GID4: variants seen among roughly 807,000 people sequenced by gnomAD.
GID4 encodes GID complex subunit 4 homolog.
A neutral mutation model predicts 32.4 loss-of-function variants in GID4; 7 were observed. That is an observed-to-expected ratio of 0.22 (90% CI 0.12 to 0.41). The LOEUF is 0.41. Among genes scored for constraint, GID4 ranks in the 10% least tolerant of loss-of-function variants. GID4 has a pLI of 1.00. For synonymous variants in GID4, 166 were observed against 170.0 expected (o/e 0.98, Z 0.18); for missense variants, 309 against 400.0 (o/e 0.77, Z 1.94).
At chr17:18,040,383 A>C (rs892266165) in intron 1 of GID4, among the ~76,000 whole-genome samples, 1 of 152,140 alleles carries the variant, frequency 6.6e-6, no homozygotes, top group Admixed American at 6.5e-5. Flanking sequence ...CCTCAGTTCC[A>C]GGAATCCGCA....
chr17:18,054,482 T>G (rs2044945272), intron 3 of GID4, among the ~76,000 whole-genome samples: 1 of 152,216 alleles, frequency 6.6e-6, no homozygotes, highest in Non-Finnish European at 1.5e-5. Flanking sequence ...GCCAGAACTC[T>G]GCTCAGCTAT....
chr17:18,064,243 C>G (rs900776154), intron 5 of GID4, among the ~76,000 whole-genome samples: 1 of 152,134 alleles, frequency 6.6e-6, no homozygotes, highest in Non-Finnish European at 1.5e-5. Flanking sequence ...AACTGCCAAA[C>G]TGTTTCCCAC....
At position 18,061,722 on chromosome 17, in the gene GID4, G is replaced by A; in HGVS notation, c.709-123G>A. ...GCCCGCCATCACCCAGCAAGTCTAGGTTAGACTATGAGATCCTATATTTTT... is the reference window on the plus strand; with the variant it reads ...GCCCGCCATCACCCAGCAAGTCTAGATTAGACTATGAGATCCTATATTTTT... On this transcript the variant is annotated intron_variant, in intron 4 of 5. Coordinates refer to ENST00000268719, the MANE Select transcript of GID4 (RefSeq NM_024052.5). The surrounding 1 kb of genome is among the most constrained non-coding windows in gnomAD (Gnocchi z 4.4). 2.2e-6 allele frequency: 2 copies of A among 928,392 alleles called. No homozygotes were observed. Among genetic ancestry groups the A allele is most frequent in the Middle Eastern group, 2.9e-4 (1 of 3,420 alleles). 57.5% of individuals were successfully genotyped at this position (928,392 alleles called of 1,614,324 possible).
At chr17:18,045,229 C>T (rs1030230558) in intron 2 of GID4, 23 bp downstream of exon 2, 42 of 1,601,676 alleles carry the variant, frequency 2.6e-5, no homozygotes, top group Non-Finnish European at 3.6e-5. Context: ...TCACACAAAC[C>T]AGCACTAGAA....
rs892767764 is a variant in GID4 at position 18,066,727 on chromosome 17, C to G, written c.*1484C>G. The G allele has an allele frequency of 6.6e-6, 1 of 152,072 alleles. No homozygotes were observed. The highest frequency in any genetic ancestry group is 2.4e-5 in the African/African-American group (1 of 41,378). 9.4% of individuals were successfully genotyped at this position (152,072 alleles called of 1,614,324 possible). ...GAGAATGTGAAGCCCTTCAGTGAGA[C>G]GAGACGAGCAATGGGAAACCTTTTC... On this transcript the variant is annotated 3_prime_UTR_variant, in exon 6 of 6. Transcript: ENST00000268719.
chr17:18,059,005 C>A, intron 4 of GID4, 36 bp downstream of exon 4: 1 of 1,221,270 alleles, frequency 8.2e-7, no homozygotes, highest in Non-Finnish European at 1.2e-6. Context: ...AGACTCCCAG[C>A]AAGCCAGGCC....
intron 3 of GID4, among the ~76,000 whole-genome samples, chr17:18,056,508 G>A (rs2044968471): frequency 6.6e-6 from 1 of 152,150 alleles, no homozygotes; most frequent in South Asian, 2.1e-4. Context: ...TTCCTCTCCT[G>A]TACAGTCCCA....
rs2045061121 is a variant in GID4 at position 18,066,266 on chromosome 17, T to C, written c.*1023T>C. On this transcript the variant is annotated 3_prime_UTR_variant, in exon 6 of 6. Coordinates refer to ENST00000268719, the MANE Select transcript of GID4 (RefSeq NM_024052.5). Reference sequence around the variant, plus strand: ...ATTATAGTGCTCAACACAAGAACTGTTTTTGGGGCCAGTTTAGCATTTGTG... The same window carrying C: ...ATTATAGTGCTCAACACAAGAACTGCTTTTGGGGCCAGTTTAGCATTTGTG... The C allele has an allele frequency of 6.6e-6, 1 of 152,656 alleles. No individual in the cohort carries two copies. Among genetic ancestry groups the C allele is most frequent in the Middle Eastern group, 3.4e-3 (1 of 294 alleles). 9.5% of individuals were successfully genotyped at this position (152,656 alleles called of 1,614,324 possible).
intron 2 of GID4, among the ~76,000 whole-genome samples, chr17:18,052,842 GTTTTTAGTTCATATGTTTTTCCT>G (rs2044925643): frequency 6.6e-6 from 1 of 151,848 alleles, no homozygotes; most frequent in Non-Finnish European, 1.5e-5. Flanking sequence ...CATATAAATT[GTTTTTAGTTCATATGTTTTTCCT>G]CATATAAGTT....
intron 2 of GID4, among the ~76,000 whole-genome samples, chr17:18,052,683 A>ATT (rs1360516128): frequency 7.2e-5 from 11 of 152,278 alleles, no homozygotes; most frequent in African/African-American, 2.6e-4. Flanking sequence ...TTTTTGTCTT[A>ATT]TTAATCTTTT....
intron 3 of GID4, chr17:18,056,695 TC>T (rs1212864206): frequency 6.5e-7 from 1 of 1,542,202 alleles, no homozygotes; most frequent in East Asian, 2.5e-5. Context: ...CCCATTGACT[TC>T]CGTTAGAACA....
chr17:18,062,073 CTG>C (rs1356475650), intron 5 of GID4, 98 bp downstream of exon 5: 1 of 1,163,628 alleles, frequency 8.6e-7, no homozygotes, highest in Non-Finnish European at 1.3e-6. Context: ...TAGCCTGTCT[CTG>C]TATAGATTCT....
At chr17:18,040,798 T>TA (rs1043683415) in intron 1 of GID4, among the ~76,000 whole-genome samples, 1 of 152,204 alleles carries the variant, frequency 6.6e-6, no homozygotes, top group African/African-American at 2.4e-5. Context: ...GGCTTCCTCT[T>TA]AGTCTCTGGT....
intron 5 of GID4, among the ~76,000 whole-genome samples, chr17:18,063,010 C>T (rs1597699988): frequency 6.6e-6 from 1 of 151,396 alleles, no homozygotes; most frequent in East Asian, 1.9e-4. Flanking sequence ...GGAGGTGGAG[C>T]TTGCAGGGAG....
At chr17:18,040,116 A>G (rs996613500) in intron 1 of GID4, among the ~76,000 whole-genome samples, 1 of 151,922 alleles carries the variant, frequency 6.6e-6, no homozygotes, top group Non-Finnish European at 1.5e-5. Flanking sequence ...GCCCGTCGTG[A>G]CCGGCTCCTG....
chr17:18,061,924 A>G lies in GID4; in HGVS notation c.788A>G (p.Gln263Arg). The G allele has an allele frequency of 6.2e-7, 1 of 1,614,026 alleles. No individual in the cohort carries two copies. The highest frequency in any genetic ancestry group is 1.1e-5 in the South Asian group (1 of 91,080). ...SFAGFYYICF[Q>R]KSAASIEGYY... ...GCCGGGTTCTACTACATCTGCTTTC[A>G]GAAGTCAGCAGCCTCCATAGAGGGC... Residue 263 changes from glutamine to arginine, a missense_variant, in exon 5 of 6, where the codon CAG becomes CGG. Around this residue, in one of 2 missense-constraint regions of GID4, gnomAD observed 116 missense variants for 214.2 expected, o/e 0.54. Transcript: ENST00000268719. The surrounding 1 kb of genome is among the most constrained non-coding windows in gnomAD (Gnocchi z 4.4).
At chr17:18,062,555 C>T (rs973100670) in intron 5 of GID4, among the ~76,000 whole-genome samples, 2 of 152,156 alleles carry the variant, frequency 1.3e-5, no homozygotes, top group African/African-American at 4.8e-5. Flanking sequence ...TTGCTGTCCC[C>T]GGAGGGCAAA....
chr17:18,053,367 C>T (rs1468152387), intron 2 of GID4, among the ~76,000 whole-genome samples: 1 of 150,282 alleles, frequency 6.7e-6, no homozygotes, highest in Non-Finnish European at 1.5e-5. Flanking sequence ...AATCCTCGCA[C>T]TTTGGGAGGC....
chr17:18,062,841 C>T (rs1429985829), intron 5 of GID4, among the ~76,000 whole-genome samples: 3 of 151,728 alleles, frequency 2.0e-5, no homozygotes, highest in Non-Finnish European at 4.4e-5. Flanking sequence ...TTTGGGAGGC[C>T]GAGGCGGGTG....
Sources: allele counts gnomAD v4.1 joint callset (sites outside exome capture counted in the v4.1 genomes callset), GRCh38; gene constraint gnomAD v4.1.1; regional missense constraint gnomAD v4.1.1; non-coding constraint Gnocchi (gnomAD v3.1); transcripts MANE v1.5; gene names NCBI Gene and HGNC (gene_info 2026-07-23, HGNC 2026-07-21).